Variants in GABBR2 observed in about 807,000 individuals in gnomAD.
GABBR2 encodes gamma-aminobutyric acid type B receptor subunit 2.
A neutral mutation model predicts 105.6 loss-of-function variants in GABBR2; 23 were observed. The observed-to-expected ratio is 0.22, with a 90% CI of 0.16 to 0.31. The LOEUF (loss-of-function observed/expected upper bound fraction) is 0.31. GABBR2 is among the 10% of genes least tolerant of loss of function. The pLI is 1.00. For missense variants in GABBR2, 734 were observed against 1,245.5 expected, an observed-to-expected ratio of 0.59 and a Z score of 6.18; for synonymous variants, 478 against 499.7, an observed-to-expected ratio of 0.96 and a Z score of 0.58.
intron 1 of GABBR2, among the ~76,000 whole-genome samples, chr9:98,689,509 C>T (rs1830659493): frequency 6.6e-6 from 1 of 152,218 alleles, no homozygotes; most frequent in South Asian, 2.1e-4. Flanking sequence ...CTTAGACAAG[C>T]TCATGCCTGT....
At chr9:98,362,680 T>G in intron 13 of GABBR2, 35 bp downstream of exon 13, 1 of 1,470,562 alleles carries the variant, frequency 6.8e-7, no homozygotes, top group Non-Finnish European at 9.0e-7. Context: ...GGGCTGCATC[T>G]GCAGGCTTCC....
chr9:98,395,000 T>G (rs1014937633), intron 8 of GABBR2, among the ~76,000 whole-genome samples: 1 of 152,212 alleles, frequency 6.6e-6, no homozygotes, highest in Non-Finnish European at 1.5e-5. Context: ...ACTTGTTCAG[T>G]GTGTTTTTAA....
intron 1 of GABBR2, among the ~76,000 whole-genome samples, chr9:98,638,699 CA>C (rs1316197518): frequency 1.3e-5 from 2 of 152,128 alleles, no homozygotes; most frequent in East Asian, 3.8e-4. Context: ...CAGGCCTCCA[CA>C]AACAAGTTTA....
intron 6 of GABBR2, among the ~76,000 whole-genome samples, chr9:98,467,864 A>AT (rs975365763): frequency 2.6e-5 from 4 of 152,264 alleles, no homozygotes; most frequent in Non-Finnish European, 5.9e-5. Context: ...CAGGAGAAGA[A>AT]TGTCCCTATT....
intron 1 of GABBR2, among the ~76,000 whole-genome samples, chr9:98,694,851 C>A (rs1354342235): frequency 6.6e-6 from 1 of 152,220 alleles, no homozygotes; most frequent in African/African-American, 2.4e-5. Context: ...AGTTAAATGA[C>A]TAGCTCAAGG....
chr9:98,321,338 C>T (rs1588100162), intron 13 of GABBR2, among the ~76,000 whole-genome samples: 1 of 152,146 alleles, frequency 6.6e-6, no homozygotes, highest in East Asian at 1.9e-4. Context: ...TCAGTGATTC[C>T]ATGGTAGCAA....
intron 1 of GABBR2, among the ~76,000 whole-genome samples, chr9:98,586,890 T>A (rs1327537094): frequency 6.6e-6 from 1 of 152,254 alleles, no homozygotes; most frequent in Non-Finnish European, 1.5e-5. Flanking sequence ...GTTTGGTTGC[T>A]GCTGTAAGCA....
At chr9:98,581,082 G>A (rs1309939263) in intron 1 of GABBR2, 3 of 152,388 alleles carry the variant, frequency 2.0e-5, no homozygotes, top group Non-Finnish European at 2.9e-5. Context: ...GGAGCTCACC[G>A]ATGGTGGAGG....
intron 13 of GABBR2, among the ~76,000 whole-genome samples, chr9:98,347,973 AT>A (rs1831329449): frequency 6.6e-6 from 1 of 152,216 alleles, no homozygotes; most frequent in African/African-American, 2.4e-5. Context: ...GCCTGCCACC[AT>A]TTAAGATGTG....
At chr9:98,414,820 C>T (rs1452017479) in intron 7 of GABBR2, among the ~76,000 whole-genome samples, 1 of 152,140 alleles carries the variant, frequency 6.6e-6, no homozygotes, top group East Asian at 1.9e-4. Flanking sequence ...ATCCTTCATG[C>T]TTCCCCGTTT....
At chr9:98,663,758 A>G (rs892147423) in intron 1 of GABBR2, among the ~76,000 whole-genome samples, 21 of 152,028 alleles carry the variant, frequency 1.4e-4, no homozygotes, top group Non-Finnish European at 2.5e-4. Flanking sequence ...CTAGGTTCCC[A>G]TGAGGAAAGA....
chr9:98,662,319 T>G (rs1271514139), intron 1 of GABBR2, among the ~76,000 whole-genome samples: 1 of 152,142 alleles, frequency 6.6e-6, no homozygotes, highest in African/African-American at 2.4e-5. Flanking sequence ...TAGGGCACTA[T>G]CACAGGCATT....
At chr9:98,406,882 C>T (rs1832499624) in intron 7 of GABBR2, among the ~76,000 whole-genome samples, 1 of 152,116 alleles carries the variant, frequency 6.6e-6, no homozygotes, top group Non-Finnish European at 1.5e-5. Flanking sequence ...ATTTATGGCC[C>T]ACCTAAAATT....
At position 98,708,497 on chromosome 9, in the gene GABBR2, C is replaced by T; in HGVS notation, c.241G>A (p.Val81Met). 2 of 1,595,260 alleles carry T rather than the reference C, an allele frequency of 1.3e-6. No homozygotes were observed. The highest frequency in any genetic ancestry group is 8.5e-7 in the Non-Finnish European group (1 of 1,171,900). Residue 81 changes from valine (V) to methionine (M), a missense_variant, in exon 1 of 19, where the codon GTG (valine) becomes ATG (methionine). By Grantham distance (21) the Val-to-Met change is conservative (BLOSUM62 1). Around this residue, in one of 7 missense-constraint regions of GABBR2, gnomAD observed 370 missense variants for 648.9 expected, o/e 0.57. Coordinates refer to ENST00000259455, the MANE Select transcript of GABBR2 (RefSeq NM_005458.8). ...CGGATCTGCTCGATGGCCAGTTCCA[C>T]GGCGGGGAGCACACCGCGCCCGATG... is the stretch of plus-strand genomic sequence containing the variant. ...GSIGRGVLPA[V>M]ELAIEQIRNE...
chr9:98,371,181 C>T (rs139201824), intron 12 of GABBR2, among the ~76,000 whole-genome samples: 38 of 152,274 alleles, frequency 2.5e-4, no homozygotes, highest in African/African-American at 7.0e-4. Flanking sequence ...TCCCACTCAC[C>T]CTCCAGGCCC....
At chr9:98,333,351 C>T (rs372781766) in intron 13 of GABBR2, among the ~76,000 whole-genome samples, 28 of 152,238 alleles carry the variant, frequency 1.8e-4, no homozygotes, top group Admixed American at 6.5e-5. Context: ...ATAAATTGGG[C>T]GGCTTAAAAC....
chr9:98,317,318 T>A (rs1219931612), intron 13 of GABBR2, among the ~76,000 whole-genome samples: 1 of 152,168 alleles, frequency 6.6e-6, no homozygotes, highest in African/African-American at 2.4e-5. Flanking sequence ...GCCTCTCCCA[T>A]CTGTGCGGCA....
chr9:98,499,432 C>T (rs1827354037), intron 3 of GABBR2, among the ~76,000 whole-genome samples: 1 of 152,192 alleles, frequency 6.6e-6, no homozygotes, highest in Admixed American at 6.5e-5. Flanking sequence ...CCCGATGAAC[C>T]AGAACAGGCC....
intron 1 of GABBR2, among the ~76,000 whole-genome samples, chr9:98,697,739 T>C (rs1171043685): frequency 2.6e-5 from 4 of 152,050 alleles, no homozygotes; most frequent in African/African-American, 9.7e-5. Context: ...ATTCCCAGAG[T>C]CCAGGAAGGA....
Sources: allele counts gnomAD v4.1 joint callset (sites outside exome capture counted in the v4.1 genomes callset), GRCh38; gene constraint gnomAD v4.1.1; regional missense constraint gnomAD v4.1.1; transcripts MANE v1.5; gene names NCBI Gene and HGNC (gene_info 2026-07-23, HGNC 2026-07-21).